The following RLF variants were observed in gnomAD, a reference collection of about 807,000 sequenced individuals.
The protein encoded by RLF is zinc finger protein Rlf.
Under a neutral mutation model 162.9 loss-of-function variants are expected in RLF, and 7 were observed. The observed-to-expected ratio is 0.04, with a 90% CI of 0.02 to 0.08. The LOEUF is 0.08. Ranked by LOEUF, RLF falls within the 10% of genes least tolerant of loss-of-function variation. RLF has a pLI of 1.00. For synonymous variants in RLF, 782 were observed against 791.5 expected, an observed-to-expected ratio of 0.99 and a Z score of 0.20; for missense variants, 1,664 against 2,244.7, an observed-to-expected ratio of 0.74 and a Z score of 5.23.
chr1:40,188,007 G>A (rs1642504757), intron 1 of RLF, among the ~76,000 whole-genome samples: 1 of 152,156 alleles, frequency 6.6e-6, no homozygotes, highest in African/African-American at 2.4e-5. Context: ...AAGCCTATTA[G>A]GAACTCCCTA....
At position 40,202,601 on chromosome 1, in the gene RLF, A is replaced by G; in HGVS notation, c.797A>G (p.Asp266Gly). 6.6e-7 allele frequency: 1 copy of G among 1,526,472 alleles called. No individual in the cohort carries two copies. The highest frequency in any genetic ancestry group is 8.7e-7 in the Non-Finnish European group (1 of 1,144,920). 94.6% of individuals were successfully genotyped at this position (1,526,472 alleles called of 1,614,324 possible). ...TCLCSMLPNE[D>G]AIKEIAKVDC... ...TTATGTTCTATGCTCCCTAATGAAG[A>G]TGCTATTAAGGAGGTGAGTAAATAA... The change falls in exon 5 of 8, where the codon GAT (aspartate) becomes GGT (glycine). Residue 266 changes from aspartate (D) to glycine (G), a missense_variant. By Grantham distance (94) the Asp-to-Gly change is moderately conservative (BLOSUM62 -1). Coordinates refer to ENST00000372771, the MANE Select transcript of RLF (RefSeq NM_012421.4).
chr1:40,239,284 A>G lies in RLF; in HGVS notation c.4582A>G (p.Ile1528Val), dbSNP rs771367357. 1.9e-5 allele frequency: 31 copies of G among 1,614,048 alleles called. No homozygotes were observed. The highest frequency in any genetic ancestry group is 3.3e-5 in the Admixed American group (2 of 60,004). Residue 1528 changes from isoleucine to valine, a missense_variant, in exon 8 of 8, where the codon ATA becomes GTA. Coordinates refer to ENST00000372771, the MANE Select transcript of RLF (RefSeq NM_012421.4). Reference protein sequence around the residue: ...CGLIKEKKAPISFKTRAEALH... With the variant: ...CGLIKEKKAPVSFKTRAEALH... The stretch of plus-strand genomic sequence containing the variant: ...CTTAATCAAAGAAAAGAAAGCCCCA[A>G]TAAGTTTTAAAACCAGAGCTGAGGC...
At chr1:40,219,386 G>A (rs946344883) in intron 5 of RLF, among the ~76,000 whole-genome samples, 3 of 152,046 alleles carry the variant, frequency 2.0e-5, no homozygotes, top group Non-Finnish European at 4.4e-5. Flanking sequence ...TCTAGTATCT[G>A]TTTTCAAGGG....
chr1:40,209,616 G>A (rs1032821264), intron 5 of RLF, among the ~76,000 whole-genome samples: 1 of 152,178 alleles, frequency 6.6e-6, no homozygotes, highest in Admixed American at 6.5e-5. Context: ...AGTGGCTCAT[G>A]CCTGTAATCC....
chr1:40,186,126 C>A (rs1557742665), intron 1 of RLF, among the ~76,000 whole-genome samples: 1 of 151,816 alleles, frequency 6.6e-6, no homozygotes, highest in Non-Finnish European at 1.5e-5. Context: ...CCACCGCACC[C>A]CAACCTGGGT....
chr1:40,234,961 C>T (rs1272998218), intron 7 of RLF, among the ~76,000 whole-genome samples: 2 of 151,118 alleles, frequency 1.3e-5, no homozygotes, highest in Non-Finnish European at 2.9e-5. Flanking sequence ...GTGACGGTGA[C>T]TATAAATTAC....
At chr1:40,218,683 G>A (rs906309494) in intron 5 of RLF, among the ~76,000 whole-genome samples, 2 of 151,568 alleles carry the variant, frequency 1.3e-5, no homozygotes, top group African/African-American at 4.9e-5. Context: ...GCTTCCTTCA[G>A]TCAGTATTAT....
At chr1:40,176,357 C>G (rs920525458) in intron 1 of RLF, among the ~76,000 whole-genome samples, 2 of 152,250 alleles carry the variant, frequency 1.3e-5, no homozygotes, top group African/African-American at 4.8e-5. Flanking sequence ...TCTATCTCCT[C>G]ACTAACACTT....
intron 5 of RLF, among the ~76,000 whole-genome samples, chr1:40,214,231 A>G (rs1570549599): frequency 6.6e-6 from 1 of 152,194 alleles, no homozygotes; most frequent in African/African-American, 2.4e-5. Context: ...AGGGAGAGAA[A>G]CAACAGACAG....
intron 5 of RLF, among the ~76,000 whole-genome samples, chr1:40,204,886 A>G (rs1185451851): frequency 6.6e-6 from 1 of 152,206 alleles, no homozygotes; most frequent in East Asian, 1.9e-4. Flanking sequence ...GAGAAGATAA[A>G]TAAGAGAATT....
At chr1:40,227,667 T>C (rs1447753427) in intron 6 of RLF, among the ~76,000 whole-genome samples, 1 of 152,180 alleles carries the variant, frequency 6.6e-6, no homozygotes, top group Non-Finnish European at 1.5e-5. Context: ...AATACTTAAT[T>C]TGGAATAAAC....
chr1:40,177,673 C>G (rs146559858), intron 1 of RLF, among the ~76,000 whole-genome samples: 1 of 151,382 alleles, frequency 6.6e-6, no homozygotes, highest in Non-Finnish European at 1.5e-5. Context: ...CTGTCTAATC[C>G]GAGACCACAG....
At chr1:40,208,515 T>C (rs746623865) in intron 5 of RLF, among the ~76,000 whole-genome samples, 2 of 152,178 alleles carry the variant, frequency 1.3e-5, no homozygotes, top group African/African-American at 2.4e-5. Context: ...CTAATCCTTA[T>C]AAAAATCTAT....
chr1:40,168,667 G>A (rs1209121793), intron 1 of RLF, among the ~76,000 whole-genome samples: 1 of 152,074 alleles, frequency 6.6e-6, no homozygotes, highest in Non-Finnish European at 1.5e-5. Flanking sequence ...ATAGTAAAAT[G>A]TTTCATATAA....
At position 40,237,294 on chromosome 1, in the gene RLF, A is replaced by G. The variant is rs1031106521; in HGVS notation, c.2592A>G (p.Ser864=). The change falls in exon 8 of 8, where the codon TCA becomes TCG. Residue 864 remains serine, a synonymous_variant. Coordinates refer to ENST00000372771, the MANE Select transcript of RLF (RefSeq NM_012421.4). The surrounding 1 kb of genome is among the most constrained non-coding windows in gnomAD (Gnocchi z 4.4). ...ATCTACTTAACCAAACTGATAAATC[A>G]CATTTACCTGAAGATCTTTTCTGTG... The part of the protein sequence containing the change: ...QPHLLNQTDK[S]HLPEDLFCAE... The G allele has an allele frequency of 6.2e-7, 1 of 1,614,130 alleles. No homozygotes were observed.
rs918935650 is a variant in RLF at position 40,161,435 on chromosome 1, C to CGGGGCT, written c.44_49dup (p.Gly15_Ala16dup). ...GAAAGGGAGACGCCGCCGCTGTCGC[C>CGGGGCT]GGGGCTGGGGCTGAGGCTCCGGCGG... On this transcript the variant is annotated inframe_insertion, in exon 1 of 8. Transcript: ENST00000372771. The surrounding 1 kb of genome is among the most constrained non-coding windows in gnomAD (Gnocchi z 4.4). 1.0e-5 allele frequency: 16 copies of CGGGGCT among 1,558,820 alleles called. No individual in the cohort carries two copies. The highest frequency in any genetic ancestry group is 4.8e-5 in the East Asian group (2 of 41,578).
At chr1:40,205,291 A>G (rs1474687788) in intron 5 of RLF, among the ~76,000 whole-genome samples, 1 of 152,066 alleles carries the variant, frequency 6.6e-6, no homozygotes, top group African/African-American at 2.4e-5. Flanking sequence ...AGCTGAGATC[A>G]CGCCACTGCA....
intron 7 of RLF, among the ~76,000 whole-genome samples, chr1:40,233,426 CA>C (rs1643177341): frequency 6.6e-6 from 1 of 152,148 alleles, no homozygotes; most frequent in South Asian, 2.1e-4. Flanking sequence ...CACAGTCTTC[CA>C]AAAGGAGTTA....
chr1:40,191,769 C>T (rs965088066), intron 3 of RLF, among the ~76,000 whole-genome samples: 1 of 152,158 alleles, frequency 6.6e-6, no homozygotes, highest in East Asian at 1.9e-4. Flanking sequence ...TTATTGATCA[C>T]TAATTATGTA....
Sources: gnomAD v4.1 joint callset for allele counts (sites outside exome capture counted in the v4.1 genomes callset) on GRCh38, gnomAD v4.1.1 for gene constraint, Gnocchi (gnomAD v3.1) non-coding constraint, MANE v1.5 for transcripts, NCBI Gene and HGNC (gene_info 2026-07-23, HGNC 2026-07-21) for gene names.